The following GNAI3 variants were observed in gnomAD, a reference collection of about 807,000 sequenced individuals.
GNAI3 encodes the protein guanine nucleotide-binding protein G(i) subunit alpha-3.
In GNAI3, 12 loss-of-function variants were observed where a neutral mutation model predicts 41.8. The ratio of observed to expected loss-of-function variants is 0.29; its 90% CI spans 0.18 to 0.47. The LOEUF (loss-of-function observed/expected upper bound fraction) is 0.47, where lower values mean the gene tolerates loss of function less well. GNAI3 is among the 20% of genes least tolerant of loss of function. The pLI is 1.00. For missense variants in GNAI3, 360 were observed against 429.6 expected, an observed-to-expected ratio of 0.84 and a Z score of 1.43; for synonymous variants, 132 against 146.5, an observed-to-expected ratio of 0.90 and a Z score of 0.71.
rs540330141 is a variant in GNAI3, at chr1:109,586,162, A to G, written c.591-54A>G. On this transcript the variant is annotated intron_variant, in intron 5 of 8. Coordinates refer to ENST00000369851, the MANE Select transcript of GNAI3 (RefSeq NM_006496.4). ...GGAAGTTTCCTAATCATTTCAGTTT[A>G]GGGGAAGGTGTATGTGTGACCTTGC... The G allele has an allele frequency of 6.6e-6, 10 of 1,523,284 alleles. No individual in the cohort carries two copies. The African/African-American group carries it at 1.1e-4, about 17-fold the overall frequency. The allele number at this position is 1,523,284 out of a possible 1,614,324, so 94.4% of individuals were successfully genotyped here.
rs72703291 is a variant in GNAI3 at position 109,550,838 on chromosome 1, T to G, written c.118+2000T>G. Among the ~76,000 whole-genome samples the G allele has an allele frequency of 9.2e-3, 1,399 of 152,254 alleles. 8 individuals are homozygous for G. The highest frequency in any genetic ancestry group is 0.013 in the Admixed American group (206 of 15,294). The stretch of plus-strand genomic sequence containing the variant: ...GTGAGGCCACCGTGCCTGGCCAGCA[T>G]TTTCTTTATTGATCGATTGGTTATG... On this transcript the variant is annotated intron_variant, in intron 1 of 8. Transcript: ENST00000369851.
chr1:109,592,297 C>A, intron 8 of GNAI3, 42 bp downstream of exon 8: 1 of 1,069,102 alleles, frequency 9.4e-7, no homozygotes, highest in Non-Finnish European at 1.4e-6. Context: ...ACAGTGATGT[C>A]TCTTGGTTTT....
At chr1:109,554,079 GGTGTGTGT>G (rs34209492) in intron 1 of GNAI3, among the ~76,000 whole-genome samples, 53 of 150,294 alleles carry the variant, frequency 3.5e-4, no homozygotes, top group African/African-American at 1.2e-3. Flanking sequence ...GGTGTAGAGG[GGTGTGTGT>G]GTGTGTGTGT....
Position 109,595,041 on chromosome 1 carries a change from T to C in GNAI3, c.*2719T>C, listed in dbSNP as rs757252730. ...ATTTTCTTGTAGCAGGGCTAAAATG[T>C]GGGATGAAACATTAAATCTACTAGC... On this transcript the variant is annotated 3_prime_UTR_variant, in exon 9 of 9. Transcript: ENST00000369851. 2.0e-5 allele frequency: 3 copies of C among 152,194 alleles called. No individual in the cohort carries two copies. The highest frequency in any genetic ancestry group is 4.4e-5 in the Non-Finnish European group (3 of 68,024). 9.4% of individuals were successfully genotyped at this position (152,194 alleles called of 1,614,324 possible).
chr1:109,566,613 G>A (rs1009593453), intron 1 of GNAI3, among the ~76,000 whole-genome samples: 1 of 152,150 alleles, frequency 6.6e-6, no homozygotes, highest in African/African-American at 2.4e-5. Flanking sequence ...CCAGGCCGGA[G>A]TGCAATGGCG....
Position 109,548,914 on chromosome 1 carries a change from C to T in GNAI3, c.118+76C>T, listed in dbSNP as rs1295862679. ...TTGGAAGGCCTGAACGGGGTCTGGT[C>T]GGGCCGACGGAAAGGACCCTAAAGG... On this transcript the variant is annotated intron_variant, in intron 1 of 8. Transcript: ENST00000369851. 9.1e-6 allele frequency: 8 copies of T among 880,812 alleles called. No individual in the cohort carries two copies. The East Asian group carries it at 1.2e-4, about 13-fold the overall frequency. The allele number at this position is 880,812 out of a possible 1,614,324, so 54.6% of individuals were successfully genotyped here. A position where few individuals can be genotyped will look rare whatever the true frequency, so the allele number is the denominator to read the frequency against.
intron 3 of GNAI3, among the ~76,000 whole-genome samples, chr1:109,577,269 G>GTTT (rs1395067814): frequency 1.9e-4 from 26 of 138,994 alleles, no homozygotes; most frequent in African/African-American, 7.1e-4. Flanking sequence ...TAGCTAAGGT[G>GTTT]TTTTTTTTGT....
chr1:109,598,278 C>T lies in GNAI3; in HGVS notation c.*5956C>T, dbSNP rs1446677931. The T allele has an allele frequency of 6.6e-6, 1 of 152,240 alleles. No homozygotes were observed. The highest frequency in any genetic ancestry group is 2.4e-5 in the African/African-American group (1 of 41,444). 9.4% of individuals were successfully genotyped at this position (152,240 alleles called of 1,614,324 possible). A position where few individuals can be genotyped will look rare whatever the true frequency, so the allele number is the denominator to read the frequency against. ...ATTCTTGCTCATGTAGGATAAAGGT[C>T]CTGAGACCTCTCAGAATCTTACGAG... On this transcript the variant is annotated 3_prime_UTR_variant, in exon 9 of 9. Transcript: ENST00000369851.
chr1:109,563,298 T>C (rs1348550586), intron 1 of GNAI3, among the ~76,000 whole-genome samples: 2 of 152,208 alleles, frequency 1.3e-5, no homozygotes, highest in Non-Finnish European at 2.9e-5. Flanking sequence ...GAAGGATCGC[T>C]TGAGCCCTGG....
At chr1:109,579,491 TTG>T (rs1648834805) in intron 4 of GNAI3, 130 bp downstream of exon 4, 1 of 550,254 alleles carries the variant, frequency 1.8e-6, no homozygotes, top group African/African-American at 1.9e-5. Flanking sequence ...TTTATAAAAA[TTG>T]TCTAAGTTTA....
intron 1 of GNAI3, among the ~76,000 whole-genome samples, chr1:109,550,808 T>C (rs989297182): frequency 1.3e-5 from 2 of 152,204 alleles, no homozygotes; most frequent in African/African-American, 4.8e-5. Context: ...GCTGGGATTA[T>C]AGGCGTGAGG....
At chr1:109,558,181 G>T (rs1648208097) in intron 1 of GNAI3, among the ~76,000 whole-genome samples, 1 of 152,124 alleles carries the variant, frequency 6.6e-6, no homozygotes, top group African/African-American at 2.4e-5. Flanking sequence ...CCAGCACTTT[G>T]GGAGGCTGAG....
In GNAI3 at chr1:109,592,338, C is replaced by T. The variant is rs573819659; in HGVS notation, c.*23-7C>T. 8.4e-6 allele frequency: 6 copies of T among 715,304 alleles called. No individual in the cohort carries two copies. The highest frequency in any genetic ancestry group is 7.1e-5 in the African/African-American group (4 of 56,224). The allele number at this position is 715,304 out of a possible 1,614,324, so 44.3% of individuals were successfully genotyped here. A position where few individuals can be genotyped will look rare whatever the true frequency, so the allele number is the denominator to read the frequency against. ...TTTTTCTAATTAAGAATATTCTTCTCTTCTAGTTACTACAGTGTGGAGTGT... is the reference window on the plus strand; with the variant it reads ...TTTTTCTAATTAAGAATATTCTTCTTTTCTAGTTACTACAGTGTGGAGTGT... On this transcript the variant is annotated splice_region_variant and splice_polypyrimidine_tract_variant and intron_variant, in intron 8 of 8. Transcript: ENST00000369851.
chr1:109,553,518 T>G (rs1003324622), intron 1 of GNAI3, among the ~76,000 whole-genome samples: 1 of 152,224 alleles, frequency 6.6e-6, no homozygotes, highest in Admixed American at 6.5e-5. Context: ...AAGACTGCCC[T>G]TTGGTAAACA....
In GNAI3 at chr1:109,595,179, A is replaced by G. The variant is rs1649263080; in HGVS notation, c.*2857A>G. On this transcript the variant is annotated 3_prime_UTR_variant, in exon 9 of 9. Transcript: ENST00000369851. ...ATAATGTTTCAGAATTCAGGTGCCT[A>G]TGCTTTGGACCATCAAAGAAGCCAT... The G allele has an allele frequency of 6.6e-6, 1 of 152,220 alleles. No individual in the cohort carries two copies. Among genetic ancestry groups the G allele is most frequent in the Admixed American group, 6.5e-5 (1 of 15,290 alleles). 9.4% of individuals were successfully genotyped at this position (152,220 alleles called of 1,614,324 possible).
intron 1 of GNAI3, among the ~76,000 whole-genome samples, chr1:109,549,155 T>G (rs925439942): frequency 1.3e-5 from 2 of 151,762 alleles, no homozygotes; most frequent in Non-Finnish European, 2.9e-5. Context: ...AAAGGAAGAG[T>G]TGATACTAGG....
rs1447808309 is a variant in GNAI3, at chr1:109,573,776, T to C, written c.158T>C (p.Met53Thr). Residue 53 changes from methionine to threonine, a missense_variant, in exon 2 of 9, where the codon ATG becomes ACG. Transcript: ENST00000369851. ...ESGKSTIVKQ[M>T]KIIHEDGYSE... ...GGTAAAAGCACCATTGTGAAACAGA[T>C]GAAGTAAGTTGGAATGTAGCGTTTT... 6.2e-7 allele frequency: 1 copy of C among 1,611,372 alleles called. No individual in the cohort carries two copies. The highest frequency in any genetic ancestry group is 2.2e-5 in the East Asian group (1 of 44,846).
intron 1 of GNAI3, among the ~76,000 whole-genome samples, chr1:109,553,813 A>G (rs1206833261): frequency 6.6e-6 from 1 of 152,200 alleles, no homozygotes; most frequent in Non-Finnish European, 1.5e-5. Context: ...TCACCTGAGC[A>G]GTCTACACTG....
At chr1:109,576,045 C>T (rs995314272) in intron 3 of GNAI3, among the ~76,000 whole-genome samples, 3 of 151,830 alleles carry the variant, frequency 2.0e-5, no homozygotes, top group African/African-American at 7.3e-5. Context: ...TTTATAGCTC[C>T]TCTCTTATTG....
Sources: allele counts gnomAD v4.1 joint callset (sites outside exome capture counted in the v4.1 genomes callset), GRCh38; gene constraint gnomAD v4.1.1; transcripts MANE v1.5; gene names NCBI Gene and HGNC (gene_info 2026-07-23, HGNC 2026-07-21).